ZNF423: variants seen among roughly 807,000 people sequenced by gnomAD.
ZNF423 encodes Ebf-associated zinc finger protein.
A neutral mutation model predicts 95.8 loss-of-function variants in ZNF423; 12 were observed. The observed-to-expected ratio is 0.13, with a 90% confidence interval of 0.08 to 0.20. The LOEUF is 0.20. ZNF423 is among the 10% of genes least tolerant of loss of function. The pLI, the probability that ZNF423 is intolerant of heterozygous loss-of-function variation, is 1.00. For synonymous variants in ZNF423, 749 were observed against 711.9 expected, an observed-to-expected ratio of 1.05 and a Z score of -0.83; for missense variants, 1,316 against 1,737.1, an observed-to-expected ratio of 0.76 and a Z score of 4.31.
intron 3 of ZNF423, among the ~76,000 whole-genome samples, chr16:49,681,175 C>T (rs1224730286): frequency 6.6e-6 from 1 of 152,146 alleles, no homozygotes. Flanking sequence ...AGTACAAACT[C>T]CAATAGGAAA....
At chr16:49,522,025 G>A (rs932501005) in intron 7 of ZNF423, among the ~76,000 whole-genome samples, 1 of 152,242 alleles carries the variant, frequency 6.6e-6, no homozygotes, top group African/African-American at 2.4e-5. Context: ...AACCCCAGAG[G>A]GGGAGGCACC....
At chr16:49,667,348 T>C (rs1187529097) in intron 3 of ZNF423, among the ~76,000 whole-genome samples, 2 of 152,212 alleles carry the variant, frequency 1.3e-5, no homozygotes, top group African/African-American at 4.8e-5. Context: ...AGACAAGAGC[T>C]AGCCATTTGG....
At chr16:49,702,513 G>C (rs71382764) in intron 3 of ZNF423, among the ~76,000 whole-genome samples, 4,838 of 152,220 alleles carry the variant, frequency 0.032, 113 homozygotes, top group Non-Finnish European at 0.05. Flanking sequence ...ACTGCAAGGC[G>C]TCATGCCGAT....
chr16:49,651,510 C>T (rs570549013), intron 3 of ZNF423, among the ~76,000 whole-genome samples: 2 of 152,302 alleles, frequency 1.3e-5, no homozygotes, highest in Admixed American at 1.3e-4. Context: ...CTGTGTTTGC[C>T]TGGTGGCTGA....
chr16:49,537,531 C>T (rs186414659), intron 5 of ZNF423, among the ~76,000 whole-genome samples: 1 of 152,318 alleles, frequency 6.6e-6, no homozygotes, highest in Admixed American at 6.5e-5. Flanking sequence ...GATACTCCTT[C>T]CAAGTAGTCA....
intron 3 of ZNF423, among the ~76,000 whole-genome samples, chr16:49,677,203 G>A (rs528102082): frequency 4.5e-4 from 59 of 130,574 alleles, no homozygotes; most frequent in African/African-American, 1.7e-3. Flanking sequence ...GGGCAACAGA[G>A]CGAGACTCCA....
At chr16:49,758,837 C>T (rs1332736211) in intron 2 of ZNF423, among the ~76,000 whole-genome samples, 2 of 152,272 alleles carry the variant, frequency 1.3e-5, no homozygotes, top group East Asian at 1.9e-4. Context: ...GGGGTACACA[C>T]GTGAGTGACA....
intron 3 of ZNF423, among the ~76,000 whole-genome samples, chr16:49,643,776 G>C (rs1382872736): frequency 1.3e-5 from 2 of 152,080 alleles, no homozygotes; most frequent in Non-Finnish European, 2.9e-5. Flanking sequence ...GTTATATGAG[G>C]CTTTTGCTGT....
Position 49,775,582 on chromosome 16 carries a change from G to C in ZNF423, c.100+13905C>G, listed in dbSNP as rs140889772. Among the ~76,000 whole-genome samples, 575 of 152,304 alleles carry C rather than the reference G, an allele frequency of 3.8e-3. 5 individuals are homozygous for C. The highest frequency in any genetic ancestry group is 0.017 in the Middle Eastern group (5 of 294). Reference sequence around the variant, plus strand: ...AATGGTGCCACAAGGTAGGGGCTTTGTTATTCCCATTCTACAGATCACAAA... The same window carrying C: ...AATGGTGCCACAAGGTAGGGGCTTTCTTATTCCCATTCTACAGATCACAAA... On this transcript the variant is annotated intron_variant, in intron 2 of 7. Transcript: ENST00000563137.
chr16:49,640,367 C>T (rs1482115123), intron 3 of ZNF423, among the ~76,000 whole-genome samples: 2 of 152,146 alleles, frequency 1.3e-5, no homozygotes, highest in Non-Finnish European at 2.9e-5. Flanking sequence ...CACTATCACT[C>T]ACAAACTTAA....
intron 1 of ZNF423, among the ~76,000 whole-genome samples, chr16:49,839,517 C>T (rs943951105): frequency 6.6e-6 from 1 of 152,242 alleles, no homozygotes; most frequent in African/African-American, 2.4e-5. Flanking sequence ...GAGGCCCATC[C>T]TCTGAGCCCT....
intron 1 of ZNF423, among the ~76,000 whole-genome samples, chr16:49,804,783 AC>A (rs1233171756): frequency 1.3e-5 from 2 of 152,122 alleles, no homozygotes; most frequent in East Asian, 3.9e-4. Context: ...CCCTGTGCAC[AC>A]CAACCCTGCA....
chr16:49,790,141 A>G (rs1190077871), intron 1 of ZNF423, among the ~76,000 whole-genome samples: 4 of 152,222 alleles, frequency 2.6e-5, no homozygotes, highest in Non-Finnish European at 4.4e-5. Context: ...TACACAGCAT[A>G]ACAACACTCT....
intron 5 of ZNF423, among the ~76,000 whole-genome samples, chr16:49,617,518 G>A (rs1026096468): frequency 2.0e-5 from 3 of 152,260 alleles, no homozygotes; most frequent in Non-Finnish European, 4.4e-5. Flanking sequence ...CTTATGAGCC[G>A]GCTCAAGCAA....
At chr16:49,701,242 G>A (rs1374660223) in intron 3 of ZNF423, among the ~76,000 whole-genome samples, 2 of 152,250 alleles carry the variant, frequency 1.3e-5, no homozygotes, top group Non-Finnish European at 1.5e-5. Context: ...ATATGCACGT[G>A]TGCGTGCATG....
At chr16:49,584,782 G>A (rs1970773109) in intron 5 of ZNF423, among the ~76,000 whole-genome samples, 1 of 151,242 alleles carries the variant, frequency 6.6e-6, no homozygotes, top group Admixed American at 6.6e-5. Flanking sequence ...CCCAACTGAG[G>A]GCCTCATTTT....
intron 3 of ZNF423, chr16:49,640,774 C>T (rs1187287141): frequency 6.6e-6 from 1 of 152,406 alleles, no homozygotes; most frequent in Non-Finnish European, 1.5e-5. Flanking sequence ...CTCAAGGGGC[C>T]TCCTGGAACA....
intron 5 of ZNF423, among the ~76,000 whole-genome samples, chr16:49,568,612 G>C (rs1048739076): frequency 1.3e-5 from 2 of 152,078 alleles, no homozygotes; most frequent in Non-Finnish European, 2.9e-5. Context: ...GCCTCCGCCT[G>C]CTCTCCTGCC....
At chr16:49,535,009 A>G (rs1969005052) in intron 5 of ZNF423, among the ~76,000 whole-genome samples, 1 of 152,090 alleles carries the variant, frequency 6.6e-6, no homozygotes, top group African/African-American at 2.4e-5. Context: ...CTCTCTTGAA[A>G]TTCCCTGAGA....
Sources: gnomAD v4.1 joint callset for allele counts (sites outside exome capture counted in the v4.1 genomes callset) on GRCh38, gnomAD v4.1.1 for gene constraint, MANE v1.5 for transcripts, NCBI Gene and HGNC (gene_info 2026-07-23, HGNC 2026-07-21) for gene names.